CENPC: variants seen among roughly 807,000 people sequenced by gnomAD.
The protein encoded by CENPC is centromere protein C.
Under a neutral mutation model 112.1 loss-of-function variants are expected in CENPC, and 63 were observed. The ratio of observed to expected loss-of-function variants is 0.56; its 90% CI spans 0.46 to 0.69. The LOEUF (loss-of-function observed/expected upper bound fraction) is 0.69. Ranked by LOEUF, CENPC falls within the 30% of genes least tolerant of loss-of-function variation. The pLI is 0.00. For synonymous variants in CENPC, 333 were observed against 367.6 expected, an observed-to-expected ratio of 0.91 and a Z score of 1.08; for missense variants, 1,000 against 1,103.8, an observed-to-expected ratio of 0.91 and a Z score of 1.33.
intron 9 of CENPC, chr4:67,512,161 T>A (rs1725909148): frequency 1.4e-5 from 5 of 368,254 alleles, no homozygotes. Context: ...GCAAGCTCCA[T>A]GAAAGCAGGG....
chr4:67,473,620 A>T lies in CENPC; in HGVS notation c.2762-945T>A, dbSNP rs948976854. Among the ~76,000 whole-genome samples, 3 of 151,674 alleles carry T rather than the reference A, an allele frequency of 2.0e-5. No individual in the cohort carries two copies. In the South Asian group the frequency reaches 6.3e-4, roughly 32 times the overall value. ...CAGGCTGGAGTGCAGTAGTACAATC[A>T]CAGCTCACCGCAACTTTGAACTCCT... On this transcript the variant is annotated intron_variant, in intron 18 of 18. Coordinates refer to ENST00000273853, the MANE Select transcript of CENPC (RefSeq NM_001812.4).
At chr4:67,479,561 T>C (rs1724897851) in intron 17 of CENPC, among the ~76,000 whole-genome samples, 1 of 152,202 alleles carries the variant, frequency 6.6e-6, no homozygotes, top group East Asian at 1.9e-4. Flanking sequence ...ACCTCTAAGA[T>C]ACAGCAAAAG....
At chr4:67,544,827 G>A (rs1037265753) in intron 1 of CENPC, among the ~76,000 whole-genome samples, 3 of 152,120 alleles carry the variant, frequency 2.0e-5, no homozygotes, top group Non-Finnish European at 2.9e-5. Context: ...TTTGACAGAA[G>A]AACTGAAAAC....
intron 18 of CENPC, 144 bp from the exon 19 acceptor site, chr4:67,472,819 C>G (rs1724703210): frequency 1.0e-5 from 10 of 980,706 alleles, no homozygotes; most frequent in Non-Finnish European, 1.3e-5. Flanking sequence ...TATTTAATTC[C>G]ATGAACTACA....
rs1301976856 is a variant in CENPC, at chr4:67,518,246, A to G, written c.740T>C (p.Ile247Thr). The G allele has an allele frequency of 6.4e-7, 1 of 1,560,938 alleles. No homozygotes were observed. Among genetic ancestry groups the G allele is most frequent in the African/African-American group, 1.4e-5 (1 of 73,914 alleles). The change falls in exon 7 of 19, where the codon ATA becomes ACA. Residue 247 changes from isoleucine (I) to threonine (T), a missense_variant. Transcript: ENST00000273853. ...RKPSGSSQNR[I>T]RDSEYEIQRQ... is the part of the protein sequence containing the mutation. The stretch of plus-strand genomic sequence containing the variant: ...TTGAATTTCATATTCTGAATCTCGT[A>G]TTCTATTCTGAGATGATCCTGATGG...
At chr4:67,490,840 ATATAT>A (rs1725230614) in intron 16 of CENPC, among the ~76,000 whole-genome samples, 1 of 6,662 alleles carries the variant, frequency 1.5e-4, no homozygotes, top group African/African-American at 2.9e-4. Flanking sequence ...AGAAATAAAT[ATATAT>A]ATATATATAT....
chr4:67,481,071 A>G (rs1041254454), intron 17 of CENPC, among the ~76,000 whole-genome samples: 2 of 152,236 alleles, frequency 1.3e-5, no homozygotes, highest in Non-Finnish European at 2.9e-5. Context: ...AAGTTCCTAG[A>G]TCTGATAAGT....
intron 16 of CENPC, 59 bp from the exon 17 acceptor site, chr4:67,490,180 C>A: frequency 1.8e-6 from 2 of 1,123,500 alleles, no homozygotes; most frequent in Non-Finnish European, 1.3e-6. Flanking sequence ...AATGATATAA[C>A]ATATACACAT....
intron 4 of CENPC, among the ~76,000 whole-genome samples, chr4:67,532,329 G>T: frequency 6.6e-6 from 1 of 152,156 alleles, no homozygotes; most frequent in African/African-American, 2.4e-5. Flanking sequence ...CATTGTGGAA[G>T]ACAGTGTGGC....
chr4:67,538,543 A>G (rs1183219738), intron 4 of CENPC, among the ~76,000 whole-genome samples: 1 of 152,242 alleles, frequency 6.6e-6, no homozygotes, highest in African/African-American at 2.4e-5. Context: ...ACACAGGGGA[A>G]ATCCTCAGTT....
chr4:67,477,793 T>C (rs766468231), intron 17 of CENPC, among the ~76,000 whole-genome samples: 14 of 151,478 alleles, frequency 9.2e-5, no homozygotes, highest in Non-Finnish European at 1.9e-4. Context: ...ACTTAAAGAA[T>C]TTTTTTTTAA....
rs539176921 is a variant in CENPC, at chr4:67,503,076, T to C, written c.2131+2129A>G. Among the ~76,000 whole-genome samples, 74 of 152,260 alleles carry C rather than the reference T, an allele frequency of 4.9e-4. 1 individual carries two copies. The highest frequency in any genetic ancestry group is 1.8e-3 in the Admixed American group (28 of 15,274). On this transcript the variant is annotated intron_variant, in intron 12 of 18. Coordinates refer to ENST00000273853, the MANE Select transcript of CENPC (RefSeq NM_001812.4). ...GATTCTGTTAATACAGGTCAAGTCA[T>C]GTCTCTCTTCTGCTCAAAACCCTCT... is the stretch of plus-strand genomic sequence containing the variant.
intron 9 of CENPC, among the ~76,000 whole-genome samples, chr4:67,509,955 G>C (rs1725849593): frequency 1.3e-5 from 2 of 152,018 alleles, no homozygotes; most frequent in Non-Finnish European, 2.9e-5. Context: ...ATCTAGATTT[G>C]CTTATTTCAT....
rs1216676353 is a variant in CENPC, at chr4:67,468,824, T to G, written c.*3781A>C. The G allele has an allele frequency of 6.6e-6, 1 of 152,210 alleles. No individual in the cohort carries two copies. Among genetic ancestry groups the G allele is most frequent in the Non-Finnish European group, 1.5e-5 (1 of 68,032 alleles). The allele number at this position is 152,210 out of a possible 1,614,324, so 9.4% of individuals were successfully genotyped here. ...GTCATCCATACTAGAGAATACCACT[T>G]AGCAATAAAAAAGAAATGAGCTATT... On this transcript the variant is annotated 3_prime_UTR_variant, in exon 19 of 19. Coordinates refer to ENST00000273853, the MANE Select transcript of CENPC (RefSeq NM_001812.4).
Position 67,530,899 on chromosome 4 carries a change from G to T in CENPC, c.247C>A (p.Pro83Thr). ...SPSKECQKSH[P>T]KSVPVSSKKK... is the part of the protein sequence containing the mutation. The stretch of plus-strand genomic sequence containing the variant: ...TTTGAAGAAACTGGAACTGACTTTG[G>T]ATGTGATTTCTGGCACTGAGCACAG... Residue 83 changes from proline to threonine, a missense_variant, in exon 5 of 19, where the codon CCA (proline) becomes ACA (threonine). Coordinates refer to ENST00000273853, the MANE Select transcript of CENPC (RefSeq NM_001812.4). 1 of 1,594,232 alleles carries T rather than the reference G, an allele frequency of 6.3e-7. No homozygotes were observed. The highest frequency in any genetic ancestry group is 8.6e-7 in the Non-Finnish European group (1 of 1,167,566).
rs1725756719 is a variant in CENPC at position 67,507,043 on chromosome 4, ATAT to A, written c.1905-112_1905-110del. ...GACAATGTAATATTGGCTATAACGA[ATAT>A]CAGATCACCCTGTTCAGGTTCTGAG... On this transcript the variant is annotated intron_variant, in intron 10 of 18. Transcript: ENST00000273853. 4.2e-5 allele frequency: 29 copies of A among 686,486 alleles called. No individual in the cohort carries two copies. The South Asian group carries it at 8.9e-4, about 21-fold the overall frequency. 42.5% of individuals were successfully genotyped at this position (686,486 alleles called of 1,614,324 possible).
intron 4 of CENPC, among the ~76,000 whole-genome samples, chr4:67,535,499 A>G (rs1406319722): frequency 6.6e-6 from 1 of 152,150 alleles, no homozygotes; most frequent in African/African-American, 2.4e-5. Flanking sequence ...GTCTATGCAT[A>G]CTAAGACATT....
At chr4:67,525,433 T>C (rs904821552) in intron 5 of CENPC, among the ~76,000 whole-genome samples, 1 of 151,978 alleles carries the variant, frequency 6.6e-6, no homozygotes, top group Non-Finnish European at 1.5e-5. Flanking sequence ...AGGTCTAATA[T>C]CCAGAATCTA....
chr4:67,519,978 GA>G (rs994696341), intron 5 of CENPC, among the ~76,000 whole-genome samples: 1 of 151,974 alleles, frequency 6.6e-6, no homozygotes, highest in Non-Finnish European at 1.5e-5. Flanking sequence ...AAAGCTGGAA[GA>G]AAAAAAGGTA....
Sources: allele counts gnomAD v4.1 joint callset (sites outside exome capture counted in the v4.1 genomes callset), GRCh38; gene constraint gnomAD v4.1.1; transcripts MANE v1.5; gene names NCBI Gene and HGNC (gene_info 2026-07-23, HGNC 2026-07-21).